The following C1orf159 variants were observed in gnomAD, a reference collection of about 807,000 sequenced individuals.
The protein encoded by C1orf159 is chromosome 1 open reading frame 159, also known as uncharacterized protein C1orf159.
C1orf159 carries 19 observed loss-of-function variants against 25.6 expected under a neutral mutation model. The observed-to-expected ratio is 0.74, with a 90% CI of 0.52 to 1.09. The LOEUF (loss-of-function observed/expected upper bound fraction) is 1.09. Ranked by LOEUF, C1orf159 falls within the 50% of genes least tolerant of loss-of-function variation. The probability of loss-of-function intolerance (pLI) is 0.00; values close to 1 mark genes in which losing one functional copy is unlikely to be tolerated. For missense variants in C1orf159, 274 were observed against 290.6 expected, an observed-to-expected ratio of 0.94 and a Z score of 0.42; for synonymous variants, 139 against 124.7, an observed-to-expected ratio of 1.12 and a Z score of -0.77.
At chr1:1,104,146 C>A (rs564411856) in intron 1 of C1orf159, among the ~76,000 whole-genome samples, 35 of 152,250 alleles carry the variant, frequency 2.3e-4, no homozygotes, top group African/African-American at 8.4e-4. Flanking sequence ...TGCCACCACA[C>A]CTGGCTAATT....
intron 4 of C1orf159, among the ~76,000 whole-genome samples, chr1:1,088,727 G>A (rs1351013809): frequency 2.0e-5 from 3 of 152,144 alleles, no homozygotes; most frequent in Non-Finnish European, 2.9e-5. Context: ...TGCGGGCCAC[G>A]GGTGGACCAC....
rs970220635 is a variant in C1orf159, at chr1:1,082,787, A to G, written c.*106T>C. On this transcript the variant is annotated 3_prime_UTR_variant, in exon 10 of 10. Coordinates refer to ENST00000421241, the MANE Select transcript of C1orf159 (RefSeq NM_017891.5). ...ACTCAGAGCCGAGGCTGTGCCCAGG[A>G]CTGTCCCGGGCGCCGGGCGATGCCA... The G allele has an allele frequency of 7.6e-6, 8 of 1,051,044 alleles. No homozygotes were observed. The highest frequency in any genetic ancestry group is 2.0e-5 in the Admixed American group (1 of 49,628). The allele number at this position is 1,051,044 out of a possible 1,614,324, so 65.1% of individuals were successfully genotyped here.
At chr1:1,086,561 C>G in intron 6 of C1orf159, among the ~76,000 whole-genome samples, 1 of 152,362 alleles carries the variant, frequency 6.6e-6, no homozygotes, top group South Asian at 2.1e-4. Context: ...ACTCCCCAAC[C>G]CTGAGACACA....
intron 1 of C1orf159, among the ~76,000 whole-genome samples, chr1:1,102,128 T>C (rs1429865967): frequency 2.7e-5 from 4 of 149,552 alleles, no homozygotes; most frequent in Admixed American, 2.7e-4. Flanking sequence ...CCAGGTGTGG[T>C]TTTATTCTCA....
At chr1:1,108,363 TGTTCACCACAGCCACCATGTCTCGGCACC>T in intron 1 of C1orf159, among the ~76,000 whole-genome samples, 1 of 66,138 alleles carries the variant, frequency 1.5e-5, no homozygotes, top group African/African-American at 1.2e-4. Flanking sequence ...GTCTTGGCAC[TGTTCACCACAGCCACCATGTCTCGGCACC>T]GTTCACCACA....
chr1:1,091,960 C>A (rs1195173897), intron 2 of C1orf159, 31 bp downstream of exon 2: 8 of 455,090 alleles, frequency 1.8e-5, no homozygotes, highest in Non-Finnish European at 3.5e-5. Flanking sequence ...TTTGGAGGCA[C>A]GGGTGGGGCG....
chr1:1,096,472 T>A (rs966044772), intron 1 of C1orf159, among the ~76,000 whole-genome samples: 2 of 152,168 alleles, frequency 1.3e-5, no homozygotes, highest in Admixed American at 1.3e-4. Flanking sequence ...CCGTTCCCCC[T>A]CCTCTTTTAT....
At chr1:1,083,744 C>G in intron 9 of C1orf159, 1 of 651,486 alleles carries the variant, frequency 1.5e-6, no homozygotes, top group Non-Finnish European at 2.6e-6. Context: ...CACGTCCAGC[C>G]TTGATGGAGA....
intron 6 of C1orf159, among the ~76,000 whole-genome samples, chr1:1,086,797 T>A (rs117651309): frequency 6.6e-6 from 1 of 151,696 alleles, no homozygotes; most frequent in East Asian, 1.9e-4. Flanking sequence ...AGTGTGAGCC[T>A]TAAGTGTGAA....
intron 1 of C1orf159, among the ~76,000 whole-genome samples, chr1:1,111,263 C>T (rs765414764): frequency 6.6e-5 from 10 of 151,680 alleles, no homozygotes; most frequent in Non-Finnish European, 1.0e-4. Context: ...TGTGGAGGCT[C>T]AGGCCTGCAA....
chr1:1,102,085 AAAAAAAAAAAAC>A (rs1414370541), intron 1 of C1orf159, among the ~76,000 whole-genome samples: 6 of 150,790 alleles, frequency 4.0e-5, no homozygotes, highest in African/African-American at 9.8e-5. Context: ...AAAAAAAAAA[AAAAAAAAAAAAC>A]AAACTTTTGA....
intron 9 of C1orf159, 112 bp downstream of exon 9, chr1:1,084,241 G>A: frequency 6.6e-7 from 1 of 1,520,316 alleles, no homozygotes. Context: ...CCCGGGCAGG[G>A]GTGGCCGAGA....
Position 1,113,174 on chromosome 1 carries a change from C to T in C1orf159, c.-136+2886G>A, listed in dbSNP as rs536604922. On this transcript the variant is annotated intron_variant, in intron 1 of 9. Transcript: ENST00000421241. The stretch of plus-strand genomic sequence containing the variant: ...TTGTGCCACTGCACTCCAGCCTGGG[C>T]GACAGAGACAGACTCCATCTCAAAA... Among the ~76,000 whole-genome samples, 662 of 148,426 alleles carry T rather than the reference C, an allele frequency of 4.5e-3. 5 individuals carry two copies. Among genetic ancestry groups the T allele is most frequent in the Non-Finnish European group, 6.7e-3 (452 of 67,508 alleles).
Position 1,087,073 on chromosome 1 carries a change from AC to A in C1orf159, c.310+65del. 6.7e-7 allele frequency: 1 copy of A among 1,481,920 alleles called. No homozygotes were observed. The highest frequency in any genetic ancestry group is 9.2e-7 in the Non-Finnish European group (1 of 1,082,818). The allele number at this position is 1,481,920 out of a possible 1,614,324, so 91.8% of individuals were successfully genotyped here. On this transcript the variant is annotated intron_variant, in intron 6 of 9. Transcript: ENST00000421241. The surrounding 1 kb of genome is among the most constrained non-coding windows in gnomAD (Gnocchi z 8.3). ...GGCTGCGTCAAGGGTGAGGGTCTGC[AC>A]TGGCTCCGACGGCCCCCAGCCCCCA...
At chr1:1,092,270 C>T (rs1230396094) in intron 1 of C1orf159, 167 bp from the exon 2 acceptor site, 1 of 234,740 alleles carries the variant, frequency 4.3e-6, no homozygotes, top group African/African-American at 2.3e-5. Flanking sequence ...ACGAGTGTTT[C>T]CCCCGAGCTG....
intron 1 of C1orf159, among the ~76,000 whole-genome samples, chr1:1,108,151 CCACCACAGCCACCATGTCTCAGCACCGTT>C (rs1646202241): frequency 2.1e-5 from 3 of 146,034 alleles, no homozygotes; most frequent in Admixed American, 6.8e-5. Flanking sequence ...GCAGCACCGT[CCACCACAGCCACCATGTCTCAGCACCGTT>C]CACCACAGCC....
At chr1:1,088,460 T>C (rs1424001873) in intron 4 of C1orf159, among the ~76,000 whole-genome samples, 1 of 146,982 alleles carries the variant, frequency 6.8e-6, no homozygotes, top group Non-Finnish European at 1.5e-5. Flanking sequence ...TGCCCCAAGC[T>C]GATCCCGACC....
At chr1:1,090,221 C>T in intron 4 of C1orf159, 132 bp downstream of exon 4, 2 of 939,258 alleles carry the variant, frequency 2.1e-6, no homozygotes, top group Non-Finnish European at 1.6e-6. Context: ...ACAGCCCTCA[C>T]TGCCCCATCC....
At chr1:1,090,792 C>G in intron 3 of C1orf159, 1 of 1,172,198 alleles carries the variant, frequency 8.5e-7, no homozygotes, top group Non-Finnish European at 1.2e-6. Context: ...AGAGGAAGTG[C>G]CCGGGCCTGG....
Sources: gnomAD v4.1 joint callset for allele counts (sites outside exome capture counted in the v4.1 genomes callset) on GRCh38, gnomAD v4.1.1 for gene constraint, Gnocchi (gnomAD v3.1) non-coding constraint, MANE v1.5 for transcripts, NCBI Gene and HGNC (gene_info 2026-07-23, HGNC 2026-07-21) for gene names.